Variants in CACNA2D3 observed in about 807,000 individuals in gnomAD.
CACNA2D3 encodes voltage-dependent calcium channel subunit alpha-2/delta-3.
Under a neutral mutation model 160.6 loss-of-function variants are expected in CACNA2D3, and 60 were observed. The ratio of observed to expected loss-of-function variants is 0.37; its 90% CI spans 0.30 to 0.46. The LOEUF is 0.46. Among genes scored for constraint, CACNA2D3 ranks in the 20% least tolerant of loss-of-function variants. The pLI, the probability that CACNA2D3 is intolerant of heterozygous loss-of-function variation, is 1.00. For synonymous variants in CACNA2D3, 558 were observed against 492.9 expected (o/e 1.13, Z -1.75); for missense variants, 1,205 against 1,365.0 (o/e 0.88, Z 1.85).
chr3:55,014,565 A>T (rs1467886078), intron 34 of CACNA2D3, among the ~76,000 whole-genome samples: 7 of 152,080 alleles, frequency 4.6e-5, no homozygotes, highest in Non-Finnish European at 1.0e-4. Flanking sequence ...CCCCATCTCT[A>T]CTAAAAATAC....
chr3:54,149,125 T>A (rs1700093901), intron 2 of CACNA2D3, among the ~76,000 whole-genome samples: 1 of 151,942 alleles, frequency 6.6e-6, no homozygotes, highest in African/African-American at 2.4e-5. Context: ...ACTGGGGAGA[T>A]GTTCTGGAGG....
chr3:54,384,228 T>G (rs1699152822), intron 3 of CACNA2D3, among the ~76,000 whole-genome samples: 1 of 152,198 alleles, frequency 6.6e-6, no homozygotes, highest in Non-Finnish European at 1.5e-5. Context: ...AGATTCTCAG[T>G]GCGTAGACAC....
intron 35 of CACNA2D3, among the ~76,000 whole-genome samples, chr3:55,036,746 G>T (rs185289655): frequency 0.011 from 1,719 of 152,236 alleles, 21 homozygotes; most frequent in Non-Finnish European, 0.018. Context: ...GATTACAGGC[G>T]TGAGCCACTG....
intron 27 of CACNA2D3, among the ~76,000 whole-genome samples, chr3:54,953,733 C>T (rs780033615): frequency 2.6e-5 from 4 of 152,270 alleles, no homozygotes; most frequent in East Asian, 1.9e-4. Flanking sequence ...GGGGCAACCT[C>T]GGGCTCCTGC....
At chr3:54,797,674 A>G (rs1255403096) in intron 13 of CACNA2D3, among the ~76,000 whole-genome samples, 1 of 152,186 alleles carries the variant, frequency 6.6e-6, no homozygotes, top group Non-Finnish European at 1.5e-5. Flanking sequence ...AAAGCACCTT[A>G]CTGATTGTGT....
intron 14 of CACNA2D3, among the ~76,000 whole-genome samples, chr3:54,834,473 T>C (rs1290193253): frequency 6.6e-6 from 1 of 152,222 alleles, no homozygotes; most frequent in Non-Finnish European, 1.5e-5. Flanking sequence ...ACAGTATGCT[T>C]TGAGTATTTT....
intron 4 of CACNA2D3, among the ~76,000 whole-genome samples, chr3:54,426,171 C>G (rs1218540752): frequency 6.6e-6 from 1 of 152,158 alleles, no homozygotes. Context: ...CATAGATTAG[C>G]TGGTTGGAGA....
At chr3:54,182,324 CACTT>C (rs1394464800) in intron 2 of CACNA2D3, among the ~76,000 whole-genome samples, 2 of 152,166 alleles carry the variant, frequency 1.3e-5, no homozygotes, top group African/African-American at 4.8e-5. Context: ...CTTTTTGTCT[CACTT>C]GATAATGAGT....
intron 10 of CACNA2D3, among the ~76,000 whole-genome samples, chr3:54,629,761 C>T (rs575659168): frequency 6.6e-6 from 1 of 152,290 alleles, no homozygotes; most frequent in South Asian, 2.1e-4. Context: ...TTGAAAAGAC[C>T]TGTTACAGTT....
At chr3:54,467,078 A>C (rs1036548265) in intron 4 of CACNA2D3, among the ~76,000 whole-genome samples, 6 of 152,196 alleles carry the variant, frequency 3.9e-5, no homozygotes, top group Non-Finnish European at 5.9e-5. Context: ...TGAGAAGACC[A>C]GGGTGGGATT....
chr3:54,325,551 A>G (rs1219042100), intron 3 of CACNA2D3, among the ~76,000 whole-genome samples: 2 of 152,174 alleles, frequency 1.3e-5, no homozygotes, highest in Non-Finnish European at 2.9e-5. Flanking sequence ...TCAGGGCCAG[A>G]CACTGATTCA....
chr3:54,358,502 A>C (rs1488218868), intron 3 of CACNA2D3, among the ~76,000 whole-genome samples: 1 of 152,190 alleles, frequency 6.6e-6, no homozygotes, highest in African/African-American at 2.4e-5. Context: ...ATCATCTGTA[A>C]AATTAGGATG....
At chr3:54,677,736 G>A (rs1700270518) in intron 11 of CACNA2D3, among the ~76,000 whole-genome samples, 1 of 151,920 alleles carries the variant, frequency 6.6e-6, no homozygotes, top group Non-Finnish European at 1.5e-5. Context: ...TTATTTGGGT[G>A]GGAACATAGT....
chr3:54,472,841 A>G (rs75240034), intron 4 of CACNA2D3, among the ~76,000 whole-genome samples: 1 of 152,184 alleles, frequency 6.6e-6, no homozygotes, highest in African/African-American at 2.4e-5. Flanking sequence ...GATATGAAAG[A>G]CCTCTTCAAG....
chr3:54,918,362 T>G, intron 27 of CACNA2D3: 2 of 583,218 alleles, frequency 3.4e-6, no homozygotes, highest in Non-Finnish European at 5.0e-6. Context: ...TTTTGTCTTT[T>G]GGCAAAAGCA....
intron 4 of CACNA2D3, among the ~76,000 whole-genome samples, chr3:54,462,142 C>T (rs944695459): frequency 2.6e-5 from 4 of 151,966 alleles, no homozygotes; most frequent in South Asian, 2.1e-4. Context: ...GTCTGAGAGA[C>T]AGCTTGTTAT....
chr3:54,736,033 ATGTATATATATACACATACATATG>A (rs1559563520), intron 11 of CACNA2D3, among the ~76,000 whole-genome samples: 6 of 59,194 alleles, frequency 1.0e-4, no homozygotes, highest in South Asian at 5.0e-4. Flanking sequence ...ACATATATAT[ATGTATATATATACACATACATATG>A]TATGTATATA....
chr3:54,596,056 G>A (rs999789371), intron 9 of CACNA2D3, among the ~76,000 whole-genome samples: 2 of 152,134 alleles, frequency 1.3e-5, no homozygotes, highest in African/African-American at 4.8e-5. Context: ...GGGGGAAGAA[G>A]TATCCAGAGA....
chr3:54,424,786 A>ATCTGCATCTCTCACATCCTCTTCATC (rs1559477910), intron 4 of CACNA2D3, among the ~76,000 whole-genome samples: 1 of 152,000 alleles, frequency 6.6e-6, no homozygotes, highest in Non-Finnish European at 1.5e-5. Flanking sequence ...TATTTCCCAT[A>ATCTGCATCTCTCACATCCTCTTCATC]TCTGCATCTC....
Sources: gnomAD v4.1 joint callset for allele counts (sites outside exome capture counted in the v4.1 genomes callset) on GRCh38, gnomAD v4.1.1 for gene constraint, MANE v1.5 for transcripts, NCBI Gene and HGNC (gene_info 2026-07-23, HGNC 2026-07-21) for gene names.